P4HB: variants seen among roughly 807,000 people sequenced by gnomAD.
P4HB encodes the protein prolyl 4-hydroxylase subunit beta.
A neutral mutation model predicts 52.6 loss-of-function variants in P4HB; 20 were observed. That is an observed-to-expected ratio of 0.38 (90% CI 0.27 to 0.55). The LOEUF (loss-of-function observed/expected upper bound fraction) is 0.55, where lower values mean the gene tolerates loss of function less well. Ranked by LOEUF, P4HB falls within the 20% of genes least tolerant of loss-of-function variation. P4HB has a pLI of 0.74. For missense variants in P4HB, 601 were observed against 669.2 expected, an observed-to-expected ratio of 0.90 and a Z score of 1.12; for synonymous variants, 296 against 277.9, an observed-to-expected ratio of 1.07 and a Z score of -0.65.
rs551722359 is a variant in P4HB at position 81,853,347 on chromosome 17, C to T, written c.624+1795G>A. Among the ~76,000 whole-genome samples, 4 of 152,174 alleles carry T rather than the reference C, an allele frequency of 2.6e-5. No homozygotes were observed. The East Asian group carries it at 5.8e-4, about 22-fold the overall frequency. On this transcript the variant is annotated intron_variant, in intron 4 of 10. Transcript: ENST00000331483. ...CAGCACTTTGGGAGGCCAAGGCAGG[C>T]GGATCATGAAGTCAGGAGTTCGAGA... is the stretch of plus-strand genomic sequence containing the variant.
At position 81,859,361 on chromosome 17, in the gene P4HB, C is replaced by G; in HGVS notation, c.172G>C (p.Ala58Pro). 1 of 1,613,832 alleles carries G rather than the reference C, an allele frequency of 6.2e-7. No homozygotes were observed. ...FYAPWCGHCK[A>P]LAPEYAKAAG... Reference sequence around the variant, plus strand: ...GCTTTGGCATACTCAGGGGCCAGAGCCTTGCAGTGGCCACACCAAGGGGCA... The same window carrying G: ...GCTTTGGCATACTCAGGGGCCAGAGGCTTGCAGTGGCCACACCAAGGGGCA... Residue 58 changes from alanine (A) to proline (P), a missense_variant, in exon 2 of 11, where the codon GCT (alanine) becomes CCT (proline). Coordinates refer to ENST00000331483, the MANE Select transcript of P4HB (RefSeq NM_000918.4).
Position 81,847,223 on chromosome 17 carries a change from G to A in P4HB, c.729+20C>T. On this transcript the variant is annotated intron_variant, in intron 5 of 10. Coordinates refer to ENST00000331483, the MANE Select transcript of P4HB (RefSeq NM_000918.4). The stretch of plus-strand genomic sequence containing the variant: ...CCACTCCTCCCCATCCCCAGCCTGG[G>A]GGCTGCAGGGCAGCCGCACCTGCTC... 3 of 1,610,788 alleles carry A rather than the reference G, an allele frequency of 1.9e-6. No homozygotes were observed. The highest frequency in any genetic ancestry group is 2.5e-6 in the Non-Finnish European group (3 of 1,177,126).
At chr17:81,854,520 C>G (rs902496616) in intron 4 of P4HB, among the ~76,000 whole-genome samples, 3 of 146,346 alleles carry the variant, frequency 2.0e-5, no homozygotes, top group Non-Finnish European at 4.5e-5. Context: ...CCAGCCTGGG[C>G]GGCAGAGTGA....
At chr17:81,850,140 T>A (rs1465714247) in intron 4 of P4HB, among the ~76,000 whole-genome samples, 4 of 148,004 alleles carry the variant, frequency 2.7e-5, no homozygotes, top group Admixed American at 2.7e-4. Flanking sequence ...AACTATTTTA[T>A]TTTTTTTTTG....
At chr17:81,848,080 T>A (rs1248900823) in intron 4 of P4HB, among the ~76,000 whole-genome samples, 1 of 152,158 alleles carries the variant, frequency 6.6e-6, no homozygotes, top group Non-Finnish European at 1.5e-5. Context: ...TTTTGGTATT[T>A]TTAGTAGAGA....
chr17:81,860,276 G>C, intron 1 of P4HB, 51 bp downstream of exon 1: 3 of 1,351,576 alleles, frequency 2.2e-6, no homozygotes, highest in Non-Finnish European at 2.9e-6. Flanking sequence ...CGTCCCAAGA[G>C]CCTGGCTCAG....
Position 81,855,392 on chromosome 17 carries a change from CTG to C in P4HB, c.486+59_486+60del. 1.3e-6 allele frequency: 2 copies of C among 1,595,918 alleles called. No individual in the cohort carries two copies. The highest frequency in any genetic ancestry group is 1.7e-6 in the Non-Finnish European group (2 of 1,167,790). On this transcript the variant is annotated intron_variant, in intron 3 of 10. Transcript: ENST00000331483. The surrounding 1 kb of genome is among the most constrained non-coding windows in gnomAD (Gnocchi z 4.3). ...CACGTGCAGAACTGCCAGCTGCAGG[CTG>C]TGGACCCCTCCTCAATGGATGACGG...
At chr17:81,844,118 C>T (rs757907823) in intron 10 of P4HB, 26 bp from the exon 11 acceptor site, 9 of 1,541,266 alleles carry the variant, frequency 5.8e-6, no homozygotes, top group Middle Eastern at 1.7e-4. Context: ...AGGGGCGGGG[C>T]GGGCAGGTTG....
In P4HB at chr17:81,846,975, T is replaced by C. The variant is rs1005678916; in HGVS notation, c.827A>G (p.Lys276Arg). ...GCCCTTGAAGCTCTCGGCTGCTGTT[T>C]TGAAGTTGCTCAGTTTGCCGTCATA... Reference protein sequence around the residue: ...SDYDGKLSNFKTAAESFKGKI... With the variant: ...SDYDGKLSNFRTAAESFKGKI... The change falls in exon 6 of 11, where the codon AAA becomes AGA. Residue 276 changes from lysine (K) to arginine (R), a missense_variant. By Grantham distance (26) the Lys-to-Arg change is conservative. Coordinates refer to ENST00000331483, the MANE Select transcript of P4HB (RefSeq NM_000918.4). The surrounding 1 kb of genome is among the most constrained non-coding windows in gnomAD (Gnocchi z 5.7). The C allele has an allele frequency of 1.9e-6, 3 of 1,614,072 alleles. No individual in the cohort carries two copies. The highest frequency in any genetic ancestry group is 2.7e-5 in the African/African-American group (2 of 75,042).
At chr17:81,858,203 C>G (rs533135073) in intron 2 of P4HB, among the ~76,000 whole-genome samples, 2 of 134,014 alleles carry the variant, frequency 1.5e-5, no homozygotes, top group Admixed American at 1.8e-4. Context: ...ACCCGGGAGG[C>G]AGAGGTTGCA....
At position 81,843,303 on chromosome 17, in the gene P4HB, T is replaced by G; in HGVS notation, c.*709A>C. On this transcript the variant is annotated 3_prime_UTR_variant, in exon 11 of 11. Transcript: ENST00000331483. The stretch of plus-strand genomic sequence containing the variant: ...GGGAGTCAAGGGTCGTGGTTCTGCC[T>G]TGAACAGGCCACAGGCCGTGCTGTA... 1 of 394,520 alleles carries G rather than the reference T, an allele frequency of 2.5e-6. No homozygotes were observed. The highest frequency in any genetic ancestry group is 4.5e-6 in the Non-Finnish European group (1 of 223,958). The allele number at this position is 394,520 out of a possible 1,614,324, so 24.4% of individuals were successfully genotyped here.
intron 4 of P4HB, among the ~76,000 whole-genome samples, chr17:81,853,560 A>T (rs1370117588): frequency 1.3e-5 from 2 of 151,684 alleles, no homozygotes; most frequent in Non-Finnish European, 2.9e-5. Flanking sequence ...GGCGACAGAG[A>T]CAGACTCTGT....
chr17:81,853,735 G>T, intron 4 of P4HB, among the ~76,000 whole-genome samples: 1 of 152,222 alleles, frequency 6.6e-6, no homozygotes, highest in South Asian at 2.1e-4. Flanking sequence ...AGGAGCTGAA[G>T]GTCCGATCGC....
At chr17:81,849,920 C>T (rs1362043293) in intron 4 of P4HB, among the ~76,000 whole-genome samples, 3 of 152,024 alleles carry the variant, frequency 2.0e-5, no homozygotes, top group Non-Finnish European at 2.9e-5. Flanking sequence ...CTCCACCTCC[C>T]GAGTTCCAGC....
chr17:81,845,553 A>T lies in P4HB; in HGVS notation c.1359+8T>A, dbSNP rs2038721110. On this transcript the variant is annotated splice_region_variant and intron_variant, in intron 9 of 10. Coordinates refer to ENST00000331483, the MANE Select transcript of P4HB (RefSeq NM_000918.4). ...CCCGCCCCAGCCCCGTCTGGAGGGA[A>T]GGCGCACCGTCCTGTCGGCACTGGC... 2.5e-6 allele frequency: 4 copies of T among 1,583,264 alleles called. No individual in the cohort carries two copies. The South Asian group carries it at 4.5e-5, about 18-fold the overall frequency.
In P4HB at chr17:81,845,543, T is replaced by C; in HGVS notation, c.1359+18A>G. ...CTTCCCAGAGCCCGCCCCAGCCCCG[T>C]CTGGAGGGAAGGCGCACCGTCCTGT... On this transcript the variant is annotated intron_variant, in intron 9 of 10. Coordinates refer to ENST00000331483, the MANE Select transcript of P4HB (RefSeq NM_000918.4). The C allele has an allele frequency of 6.4e-7, 1 of 1,574,282 alleles. No individual in the cohort carries two copies. Among genetic ancestry groups the C allele is most frequent in the Non-Finnish European group, 8.7e-7 (1 of 1,155,734 alleles).
Position 81,855,703 on chromosome 17 carries a change from G to A in P4HB, c.353-117C>T. ...GCTGAGGACACCTGAATCAACCTAA[G>A]TAAGATGTTCTCCCACCATGGAAGA... On this transcript the variant is annotated intron_variant, in intron 2 of 10. Coordinates refer to ENST00000331483, the MANE Select transcript of P4HB (RefSeq NM_000918.4). This position sits in a 1 kb window ranked among gnomAD's most constrained non-coding sequence, Gnocchi z 4.3. The A allele has an allele frequency of 8.2e-7, 1 of 1,217,446 alleles. No homozygotes were observed. Among genetic ancestry groups the A allele is most frequent in the Non-Finnish European group, 1.1e-6 (1 of 884,978 alleles). The allele number at this position is 1,217,446 out of a possible 1,614,324, so 75.4% of individuals were successfully genotyped here. A position where few individuals can be genotyped will look rare whatever the true frequency, so the allele number is the denominator to read the frequency against.
At chr17:81,857,349 A>G (rs2038928031) in intron 2 of P4HB, among the ~76,000 whole-genome samples, 1 of 151,850 alleles carries the variant, frequency 6.6e-6, no homozygotes, top group South Asian at 2.1e-4. Flanking sequence ...GGGTTTCACC[A>G]TATTGGCCAT....
intron 9 of P4HB, 93 bp downstream of exon 9, chr17:81,845,468 C>T: frequency 7.8e-7 from 1 of 1,280,464 alleles, no homozygotes. Flanking sequence ...ACCTGACTAG[C>T]CCCAGGCTCC....
Sources: allele counts gnomAD v4.1 joint callset (sites outside exome capture counted in the v4.1 genomes callset), GRCh38; gene constraint gnomAD v4.1.1; non-coding constraint Gnocchi (gnomAD v3.1); transcripts MANE v1.5; gene names NCBI Gene and HGNC (gene_info 2026-07-23, HGNC 2026-07-21).